Variants in TNFRSF1B observed in about 807,000 individuals in gnomAD.
TNFRSF1B encodes TNF receptor superfamily member 1B.
A neutral mutation model predicts 44.6 loss-of-function variants in TNFRSF1B; 19 were observed. The observed-to-expected ratio is 0.43, with a 90% confidence interval of 0.30 to 0.62. The LOEUF (loss-of-function observed/expected upper bound fraction) is 0.62, where lower values mean the gene tolerates loss of function less well. Among genes scored for constraint, TNFRSF1B ranks in the 20% least tolerant of loss-of-function variants. The probability of loss-of-function intolerance (pLI) is 0.16; values close to 1 mark genes in which losing one functional copy is unlikely to be tolerated. For synonymous variants in TNFRSF1B, 252 were observed against 261.1 expected (o/e 0.97, Z 0.34); for missense variants, 541 against 619.9 (o/e 0.87, Z 1.35).
chr1:12,202,072 A>G lies in TNFRSF1B; in HGVS notation c.1006A>G (p.Ser336Gly). ...SSSSSLESSA[S>G]ALDRRAPTRN... ...CAGCAGCTCCCTGGAGAGCTCGGCC[A>G]GTGCGTTGGACAGAAGGGCGCCCAC... Residue 336 changes from serine to glycine, a missense_variant, in exon 9 of 10, where the codon AGT becomes GGT. Physicochemically the swap from Ser to Gly is moderately conservative, Grantham distance 56. Coordinates refer to ENST00000376259, the MANE Select transcript of TNFRSF1B (RefSeq NM_001066.3). 1.9e-6 allele frequency: 3 copies of G among 1,598,084 alleles called. No individual in the cohort carries two copies. Among genetic ancestry groups the G allele is most frequent in the Non-Finnish European group, 2.6e-6 (3 of 1,173,188 alleles).
At chr1:12,202,788 G>A (rs889668250) in intron 9 of TNFRSF1B, among the ~76,000 whole-genome samples, 3 of 152,348 alleles carry the variant, frequency 2.0e-5, no homozygotes, top group Non-Finnish European at 2.9e-5. Context: ...CTGAGCCCCA[G>A]AGAGGTTAAA....
At position 12,191,083 on chromosome 1, in the gene TNFRSF1B, C is replaced by T; in HGVS notation, c.305C>T (p.Ser102Phe). The change falls in exon 3 of 10, where the codon TCT becomes TTT. Residue 102 changes from serine (S) to phenylalanine (F), a missense_variant and splice_region_variant. By Grantham distance (155) the Ser-to-Phe change is radical (BLOSUM62 -2). Coordinates refer to ENST00000376259, the MANE Select transcript of TNFRSF1B (RefSeq NM_001066.3). ...TTGAGCTGTGGCTCCCGCTGTAGCTCTGGTGAGTAGGTTCAGAGAAAAAGG... is the reference window on the plus strand; with the variant it reads ...TTGAGCTGTGGCTCCCGCTGTAGCTTTGGTGAGTAGGTTCAGAGAAAAAGG... ...ECLSCGSRCS[S>F]DQVETQACTR... 1 of 1,614,008 alleles carries T rather than the reference C, an allele frequency of 6.2e-7. No individual in the cohort carries two copies.
chr1:12,188,900 G>A lies in TNFRSF1B; in HGVS notation c.178+5G>A. On this transcript the variant is annotated splice_donor_5th_base_variant and intron_variant, in intron 2 of 9. Transcript: ENST00000376259. Reference sequence around the variant, plus strand: ...GCTGCAGCAAATGCTCGCCGGGTGAGGGCAGCCACGGGGGCACTCGGGGCC... The same window carrying A: ...GCTGCAGCAAATGCTCGCCGGGTGAAGGCAGCCACGGGGGCACTCGGGGCC... 6.2e-7 allele frequency: 1 copy of A among 1,612,186 alleles called. No homozygotes were observed. The highest frequency in any genetic ancestry group is 8.5e-7 in the Non-Finnish European group (1 of 1,179,408).
Position 12,192,544 on chromosome 1 carries a change from G to C in TNFRSF1B, c.551+20G>C. The C allele has an allele frequency of 6.2e-7, 1 of 1,611,940 alleles. No homozygotes were observed. Among genetic ancestry groups the C allele is most frequent in the Non-Finnish European group, 8.5e-7 (1 of 1,178,222 alleles). On this transcript the variant is annotated intron_variant, in intron 5 of 9. Coordinates refer to ENST00000376259, the MANE Select transcript of TNFRSF1B (RefSeq NM_001066.3). ...CCAGATGTGAGTAGCTGAGTCCTTTGGTTCTGGAGGAGCAGGGAGGGGCTG... is the reference window on the plus strand; with the variant it reads ...CCAGATGTGAGTAGCTGAGTCCTTTCGTTCTGGAGGAGCAGGGAGGGGCTG...
intron 1 of TNFRSF1B, among the ~76,000 whole-genome samples, chr1:12,182,289 C>T (rs948471354): frequency 1.4e-4 from 22 of 152,208 alleles, no homozygotes; most frequent in African/African-American, 5.3e-4. Context: ...AGATGCTCTA[C>T]TGCTGCTTTC....
At chr1:12,193,195 G>A (rs983094931) in intron 6 of TNFRSF1B, 97 bp downstream of exon 6, 2 of 1,134,692 alleles carry the variant, frequency 1.8e-6, no homozygotes, top group South Asian at 1.3e-5. Context: ...GAGCCCACGG[G>A]GGGCTGGACC....
In TNFRSF1B at chr1:12,202,068, G is replaced by C. The variant is rs372975213; in HGVS notation, c.1002G>C (p.Ser334=). ...PSSSSSSLES[S]ASALDRRAPT... ...CCAGCAGCAGCTCCCTGGAGAGCTC[G>C]GCCAGTGCGTTGGACAGAAGGGCGC... Residue 334 remains serine (S), a synonymous_variant, in exon 9 of 10, where the codon TCG becomes TCC. Coordinates refer to ENST00000376259, the MANE Select transcript of TNFRSF1B (RefSeq NM_001066.3). 3.4e-5 allele frequency: 54 copies of C among 1,601,216 alleles called. 1 individual carries two copies. The African/African-American group carries it at 4.7e-4, about 14-fold the overall frequency.
intron 9 of TNFRSF1B, among the ~76,000 whole-genome samples, chr1:12,205,570 C>T (rs1639484656): frequency 6.6e-6 from 1 of 152,124 alleles, no homozygotes; most frequent in African/African-American, 2.4e-5. Context: ...GGGAGGCTTC[C>T]ATAGCCCACC....
Position 12,188,221 on chromosome 1 carries a change from A to C in TNFRSF1B, c.79-575A>C, listed in dbSNP as rs1017301843. 2.6e-5 allele frequency among the ~76,000 whole-genome samples: 4 copies of C among 152,298 alleles called. No homozygotes were observed. In the Middle Eastern group the frequency reaches 0.01, roughly 389 times the overall value. On this transcript the variant is annotated intron_variant, in intron 1 of 9. Coordinates refer to ENST00000376259, the MANE Select transcript of TNFRSF1B (RefSeq NM_001066.3). Reference sequence around the variant, plus strand: ...TACACATGTGTGTGCATACATACCCACAGGGGGTGGAAGGACAAGCAAGTA... The same window carrying C: ...TACACATGTGTGTGCATACATACCCCCAGGGGGTGGAAGGACAAGCAAGTA...
At position 12,169,366 on chromosome 1, in the gene TNFRSF1B, T is replaced by G. The variant is rs889605164; in HGVS notation, c.78+2197T>G. ...TAGGTACTTTGTCACAAAATTTCAC[T>G]GAAACCTCCCTTACAGCAACTCCCA... is the stretch of plus-strand genomic sequence containing the variant. On this transcript the variant is annotated intron_variant, in intron 1 of 9. Coordinates refer to ENST00000376259, the MANE Select transcript of TNFRSF1B (RefSeq NM_001066.3). This position sits in a 1 kb window ranked among gnomAD's most constrained non-coding sequence, Gnocchi z 4.5. Among the ~76,000 whole-genome samples, 1 of 152,128 alleles carries G rather than the reference T, an allele frequency of 6.6e-6. No homozygotes were observed. The highest frequency in any genetic ancestry group is 1.9e-4 in the East Asian group (1 of 5,202).
At chr1:12,174,560 T>A (rs897112774) in intron 1 of TNFRSF1B, among the ~76,000 whole-genome samples, 21 of 152,284 alleles carry the variant, frequency 1.4e-4, no homozygotes, top group Non-Finnish European at 8.8e-5. Context: ...CATTTCTTCT[T>A]TGAAAAGTAG....
intron 1 of TNFRSF1B, among the ~76,000 whole-genome samples, chr1:12,183,921 GC>G (rs1238298321): frequency 6.6e-6 from 1 of 152,038 alleles, no homozygotes. Context: ...CAGATTCCCT[GC>G]CTGTTAAATA....
intron 8 of TNFRSF1B, among the ~76,000 whole-genome samples, chr1:12,195,406 A>G (rs1409018209): frequency 6.6e-6 from 1 of 152,214 alleles, no homozygotes; most frequent in Non-Finnish European, 1.5e-5. Flanking sequence ...TGGTGCCAGC[A>G]GGACCCCAGG....
intron 6 of TNFRSF1B, 190 bp downstream of exon 6, chr1:12,193,288 G>A (rs750201743): frequency 3.3e-4 from 231 of 704,280 alleles, no homozygotes; most frequent in Middle Eastern, 4.7e-4. Context: ...CCCTAAGTGC[G>A]TGGGCTGGAT....
intron 8 of TNFRSF1B, among the ~76,000 whole-genome samples, chr1:12,200,389 G>T (rs1369094198): frequency 1.3e-5 from 2 of 151,950 alleles, no homozygotes; most frequent in Admixed American, 6.6e-5. Context: ...TCTCTGCCCC[G>T]GAATGATTGA....
chr1:12,202,076 C>T lies in TNFRSF1B; in HGVS notation c.1010C>T (p.Ala337Val), dbSNP rs1169566414. 8.1e-6 allele frequency: 13 copies of T among 1,596,144 alleles called. No homozygotes were observed. The highest frequency in any genetic ancestry group is 5.2e-5 in the Admixed American group (3 of 57,282). The part of the protein sequence containing the change: ...SSSSLESSAS[A>V]LDRRAPTRNQ... ...AGCTCCCTGGAGAGCTCGGCCAGTG[C>T]GTTGGACAGAAGGGCGCCCACTCGG... Residue 337 changes from alanine (A) to valine (V), a missense_variant, in exon 9 of 10, where the codon GCG becomes GTG. By Grantham distance (64) the Ala-to-Val change is moderately conservative. Coordinates refer to ENST00000376259, the MANE Select transcript of TNFRSF1B (RefSeq NM_001066.3).
In TNFRSF1B at chr1:12,199,981, A is replaced by G. The variant is rs1316184275; in HGVS notation, c.901-1986A>G. 6.6e-6 allele frequency among the ~76,000 whole-genome samples: 1 copy of G among 152,106 alleles called. No homozygotes were observed. The highest frequency in any genetic ancestry group is 1.5e-5 in the Non-Finnish European group (1 of 68,030). ...CAGTGGGAACAGACAACAGCCTGGG[A>G]GAGGAATTTCCAGCCTCTCTTCAGT... is the stretch of plus-strand genomic sequence containing the variant. On this transcript the variant is annotated intron_variant, in intron 8 of 9. Transcript: ENST00000376259. The surrounding 1 kb of genome is among the most constrained non-coding windows in gnomAD (Gnocchi z 4.0).
At chr1:12,188,006 C>T (rs1461994311) in intron 1 of TNFRSF1B, among the ~76,000 whole-genome samples, 2 of 152,154 alleles carry the variant, frequency 1.3e-5, no homozygotes, top group Non-Finnish European at 2.9e-5. Flanking sequence ...CCCACCAATT[C>T]GAGCAGCAGA....
intron 5 of TNFRSF1B, 62 bp from the exon 6 acceptor site, chr1:12,192,801 G>A (rs1639176213): frequency 1.4e-6 from 2 of 1,443,044 alleles, no homozygotes; most frequent in Admixed American, 1.9e-5. Flanking sequence ...CCGTGAATGA[G>A]CCCAGCCACC....
Sources: allele counts gnomAD v4.1 joint callset (sites outside exome capture counted in the v4.1 genomes callset), GRCh38; gene constraint gnomAD v4.1.1; non-coding constraint Gnocchi (gnomAD v3.1); transcripts MANE v1.5; gene names NCBI Gene and HGNC (gene_info 2026-07-23, HGNC 2026-07-21).